Variants in NEK10 observed in about 807,000 individuals in gnomAD.
The protein encoded by NEK10 is serine/threonine-protein kinase Nek10.
A neutral mutation model predicts 159.8 loss-of-function variants in NEK10; 122 were observed. That is an observed-to-expected ratio of 0.76 (90% CI 0.66 to 0.89). The LOEUF (loss-of-function observed/expected upper bound fraction) is 0.89, where lower values mean the gene tolerates loss of function less well. Among genes scored for constraint, NEK10 ranks in the 40% least tolerant of loss-of-function variants. The pLI, the probability that NEK10 is intolerant of heterozygous loss-of-function variation, is 0.00. For missense variants in NEK10, 1,342 were observed against 1,323.1 expected (o/e 1.01, Z -0.22); for synonymous variants, 466 against 457.1 (o/e 1.02, Z -0.25).
chr3:27,143,480 T>C (rs771533068), intron 30 of NEK10: 4 of 760,412 alleles, frequency 5.3e-6, no homozygotes, highest in Non-Finnish European at 7.2e-6. Flanking sequence ...TGGCCCTAAA[T>C]ACAAAAACAA....
chr3:27,364,428 A>G (rs2048915616), intron 1 of NEK10, among the ~76,000 whole-genome samples: 1 of 149,268 alleles, frequency 6.7e-6, no homozygotes, highest in Admixed American at 6.7e-5. Flanking sequence ...GGGTTTCACC[A>G]TGTTGGCCAG....
chr3:27,226,372 A>T (rs185805679), intron 23 of NEK10, among the ~76,000 whole-genome samples: 1 of 152,068 alleles, frequency 6.6e-6, no homozygotes, highest in Admixed American at 6.6e-5. Flanking sequence ...GAAAGAAAGA[A>T]AGAAAGACTG....
At chr3:27,274,328 C>G (rs116918527) in intron 22 of NEK10, among the ~76,000 whole-genome samples, 1 of 152,150 alleles carries the variant, frequency 6.6e-6, no homozygotes, top group African/African-American at 2.4e-5. Context: ...TTTCTGAATT[C>G]TAGGTAACTC....
intron 30 of NEK10, among the ~76,000 whole-genome samples, chr3:27,142,394 A>G (rs929070617): frequency 6.6e-6 from 1 of 152,098 alleles, no homozygotes; most frequent in East Asian, 1.9e-4. Flanking sequence ...GAGACTTCAG[A>G]TATGTGATGT....
Position 27,328,922 on chromosome 3 carries a change from G to A in NEK10, c.363-6661C>T, listed in dbSNP as rs530106860. 1.1e-4 allele frequency among the ~76,000 whole-genome samples: 17 copies of A among 152,274 alleles called. No homozygotes were observed. In the South Asian group the frequency reaches 3.3e-3, roughly 30 times the overall value. On this transcript the variant is annotated intron_variant, in intron 5 of 35. Transcript: ENST00000691995. ...GTTTTAAACATGTTAACTTTGAGAT[G>A]CTTAAAGAAGGAAGAGCCCACAAAT...
At chr3:27,129,223 C>G (rs1182159003) in intron 32 of NEK10, among the ~76,000 whole-genome samples, 1 of 152,104 alleles carries the variant, frequency 6.6e-6, no homozygotes, top group Non-Finnish European at 1.5e-5. Context: ...TTAGAAAAGG[C>G]CTTTTGCACT....
chr3:27,149,660 C>T (rs961120384), intron 30 of NEK10, among the ~76,000 whole-genome samples: 1 of 152,122 alleles, frequency 6.6e-6, no homozygotes, highest in Admixed American at 6.5e-5. Flanking sequence ...GCCATTCCCC[C>T]ATCTTTCCCT....
chr3:27,212,641 C>T (rs888902354), intron 23 of NEK10, among the ~76,000 whole-genome samples: 1 of 152,212 alleles, frequency 6.6e-6, no homozygotes, highest in Admixed American at 6.5e-5. Context: ...TGTGAGTTCT[C>T]ACAATTAGTG....
At position 27,106,928 on chromosome 3, in the gene NEK10, G is replaced by A. The variant is rs369498370; in HGVS notation, c.*4344C>T. 1.2e-4 allele frequency among the ~76,000 whole-genome samples: 19 copies of A among 152,062 alleles called. No individual in the cohort carries two copies. The highest frequency in any genetic ancestry group is 3.9e-4 in the African/African-American group (16 of 41,400). ...TAAACAGTCACGTACTTCTGTTATC[G>A]CTAAATACAGTAGCTGGGGCCAGTG... On this transcript the variant is annotated 3_prime_UTR_variant, in exon 36 of 36. Coordinates refer to ENST00000691995, the MANE Select transcript of NEK10 (RefSeq NM_001394966.1).
chr3:27,352,896 T>C lies in NEK10; in HGVS notation c.-14A>G, dbSNP rs2048072657. 3 of 1,583,620 alleles carry C rather than the reference T, an allele frequency of 1.9e-6. No individual in the cohort carries two copies. The highest frequency in any genetic ancestry group is 2.6e-6 in the Non-Finnish European group (3 of 1,154,152). On this transcript the variant is annotated 5_prime_UTR_variant, in exon 2 of 36. Coordinates refer to ENST00000691995, the MANE Select transcript of NEK10 (RefSeq NM_001394966.1). Reference sequence around the variant, plus strand: ...TTGATCAGGCATTGTAAAACATCAATGCCCCAGAATTAACATCGCATTCCT... The same window carrying C: ...TTGATCAGGCATTGTAAAACATCAACGCCCCAGAATTAACATCGCATTCCT...
At chr3:27,147,817 C>G (rs540060535) in intron 30 of NEK10, among the ~76,000 whole-genome samples, 10 of 152,290 alleles carry the variant, frequency 6.6e-5, no homozygotes, top group African/African-American at 2.4e-4. Context: ...TATAGAAGTT[C>G]TACCAGTCTT....
chr3:27,241,572 T>C (rs908598765), intron 23 of NEK10, among the ~76,000 whole-genome samples: 2 of 152,208 alleles, frequency 1.3e-5, no homozygotes, highest in East Asian at 3.8e-4. Flanking sequence ...CTCAACAGAT[T>C]TGAGTTCTAA....
intron 32 of NEK10, among the ~76,000 whole-genome samples, chr3:27,128,648 T>C (rs1184541975): frequency 6.6e-6 from 1 of 151,412 alleles, no homozygotes; most frequent in African/African-American, 2.4e-5. Flanking sequence ...TTTTTTTTTC[T>C]TTTTTGGTAT....
intron 7 of NEK10, 58 bp from the exon 8 acceptor site, chr3:27,312,235 A>G (rs558038308): frequency 3.1e-6 from 3 of 963,870 alleles, no homozygotes; most frequent in Admixed American, 4.8e-5. Context: ...CCAAGGAAGC[A>G]AGGAACAAGA....
At chr3:27,305,953 C>T (rs960990364) in intron 11 of NEK10, among the ~76,000 whole-genome samples, 2 of 152,138 alleles carry the variant, frequency 1.3e-5, no homozygotes, top group African/African-American at 4.8e-5. Context: ...ATGATCTCAG[C>T]CCAGGCATTG....
intron 25 of NEK10, among the ~76,000 whole-genome samples, chr3:27,193,875 G>A (rs1357716332): frequency 3.3e-5 from 5 of 152,020 alleles, no homozygotes; most frequent in African/African-American, 1.2e-4. Context: ...AGGGACATGT[G>A]TCCTCTTCAC....
chr3:27,350,857 T>C (rs1167418447), intron 3 of NEK10, among the ~76,000 whole-genome samples: 1 of 151,860 alleles, frequency 6.6e-6, no homozygotes, highest in African/African-American at 2.4e-5. Flanking sequence ...TTGGTTTTGG[T>C]TTTTTTTGTT....
chr3:27,177,870 G>C (rs1469866835), intron 26 of NEK10, among the ~76,000 whole-genome samples: 3 of 152,190 alleles, frequency 2.0e-5, no homozygotes, highest in Non-Finnish European at 4.4e-5. Context: ...CTATTAAAGG[G>C]ATTTAGGCAA....
chr3:27,149,879 G>C (rs1944662289), intron 30 of NEK10, among the ~76,000 whole-genome samples: 1 of 152,220 alleles, frequency 6.6e-6, no homozygotes, highest in South Asian at 2.1e-4. Context: ...CAAATAGTTA[G>C]CCAAGCTGTG....
Sources: allele counts gnomAD v4.1 joint callset (sites outside exome capture counted in the v4.1 genomes callset), GRCh38; gene constraint gnomAD v4.1.1; transcripts MANE v1.5; gene names NCBI Gene and HGNC (gene_info 2026-07-23, HGNC 2026-07-21).